STK3: variants seen among roughly 807,000 people sequenced by gnomAD.
The protein encoded by STK3 is serine/threonine kinase 3, also known as serine/threonine-protein kinase 3.
A neutral mutation model predicts 58.0 loss-of-function variants in STK3; 41 were observed. The ratio of observed to expected loss-of-function variants is 0.71; its 90% confidence interval spans 0.55 to 0.92. The LOEUF is 0.92. Among genes scored for constraint, STK3 ranks in the 40% least tolerant of loss-of-function variants. STK3 has a pLI of 0.00. For missense variants in STK3, 479 were observed against 602.7 expected (o/e 0.79, Z 2.15); for synonymous variants, 170 against 191.0 (o/e 0.89, Z 0.91).
chr8:98,617,503 A>C (rs1817853981), intron 6 of STK3, among the ~76,000 whole-genome samples: 1 of 148,610 alleles, frequency 6.7e-6, no homozygotes, highest in Non-Finnish European at 1.5e-5. Flanking sequence ...AAAACCCTTC[A>C]AAAAATCAAT....
At chr8:98,659,792 A>C (rs1821826514) in intron 6 of STK3, among the ~76,000 whole-genome samples, 1 of 152,044 alleles carries the variant, frequency 6.6e-6, no homozygotes, top group African/African-American at 2.4e-5. Flanking sequence ...ATAAGTTAGC[A>C]ATATAGCTGC....
At chr8:98,769,302 T>C (rs1319994821) in intron 2 of STK3, among the ~76,000 whole-genome samples, 2 of 152,198 alleles carry the variant, frequency 1.3e-5, no homozygotes. Flanking sequence ...CCTGTTGTGG[T>C]AGGGACTCAG....
At chr8:98,491,195 GAGAGAC>G (rs1246495893) in intron 10 of STK3, among the ~76,000 whole-genome samples, 9 of 148,666 alleles carry the variant, frequency 6.1e-5, no homozygotes, top group African/African-American at 1.5e-4. Context: ...GAGAGAGAGA[GAGAGAC>G]AGAGAGAGAG....
At chr8:98,448,268 C>G (rs1464442499) in intron 1 of STK3, among the ~76,000 whole-genome samples, 1 of 151,996 alleles carries the variant, frequency 6.6e-6, no homozygotes, top group Non-Finnish European at 1.5e-5. Flanking sequence ...AAAATAAACT[C>G]CTATATACTT....
intron 6 of STK3, among the ~76,000 whole-genome samples, chr8:98,676,094 A>G (rs1429761183): frequency 6.6e-6 from 1 of 152,214 alleles, no homozygotes; most frequent in East Asian, 1.9e-4. Context: ...TGCTATATGA[A>G]AGCAGCCAGA....
chr8:98,718,425 G>A (rs926350800), intron 4 of STK3, among the ~76,000 whole-genome samples: 1 of 152,058 alleles, frequency 6.6e-6, no homozygotes, highest in Non-Finnish European at 1.5e-5. Context: ...GAAAATTCCG[G>A]TACTTCCAGG....
At chr8:98,509,467 A>G (rs1824338670) in intron 10 of STK3, among the ~76,000 whole-genome samples, 1 of 151,938 alleles carries the variant, frequency 6.6e-6, no homozygotes, top group South Asian at 2.1e-4. Flanking sequence ...TGTGCAGATT[A>G]TTAAGAGACT....
chr8:98,718,763 T>G (rs1827202875), intron 4 of STK3, among the ~76,000 whole-genome samples: 1 of 152,058 alleles, frequency 6.6e-6, no homozygotes, highest in Admixed American at 6.6e-5. Flanking sequence ...GTATTAAATA[T>G]GGTATTTCAT....
chr8:98,488,003 T>C (rs1459954011), intron 10 of STK3, among the ~76,000 whole-genome samples: 1 of 152,238 alleles, frequency 6.6e-6, no homozygotes, highest in Non-Finnish European at 1.5e-5. Context: ...CAACTTTTGG[T>C]GTAACTGTCA....
At chr8:98,715,375 T>C (rs1428121023) in intron 4 of STK3, among the ~76,000 whole-genome samples, 5 of 151,632 alleles carry the variant, frequency 3.3e-5, no homozygotes, top group Admixed American at 2.0e-4. Context: ...ATTTTTGCAA[T>C]CTACTCATCT....
chr8:98,600,219 T>G (rs1200694953), intron 6 of STK3, among the ~76,000 whole-genome samples: 1 of 152,068 alleles, frequency 6.6e-6, no homozygotes. Flanking sequence ...AGGGAGAGGG[T>G]GCAGCTGGTA....
intron 8 of STK3, among the ~76,000 whole-genome samples, chr8:98,576,912 G>A (rs1261628138): frequency 1.3e-5 from 2 of 152,160 alleles, no homozygotes; most frequent in Non-Finnish European, 2.9e-5. Flanking sequence ...TCAGAACAAG[G>A]ATCTTATTGT....
At chr8:98,453,068 G>A (rs1371775488), downstream of STK3, among the ~76,000 whole-genome samples, 2 of 84,914 alleles carry the variant, frequency 2.4e-5, 1 homozygote, top group African/African-American at 9.7e-5. Flanking sequence ...GCCTAGACTT[G>A]ATTTCTTTCT....
chr8:98,526,947 A>T, intron 9 of STK3, 30 bp from the exon 10 acceptor site: 1 of 1,457,672 alleles, frequency 6.9e-7, no homozygotes, highest in Non-Finnish European at 9.1e-7. Context: ...TAAGGAAGGT[A>T]TAAGTTCTTA....
At chr8:98,770,981 G>T (rs1303348400) in intron 2 of STK3, among the ~76,000 whole-genome samples, 1 of 149,522 alleles carries the variant, frequency 6.7e-6, no homozygotes, top group Non-Finnish European at 1.5e-5. Context: ...ATAAAACAGT[G>T]TTTAATACAG....
chr8:98,681,961 C>G (rs1044796833), intron 6 of STK3, among the ~76,000 whole-genome samples: 2 of 152,236 alleles, frequency 1.3e-5, no homozygotes, highest in Non-Finnish European at 2.9e-5. Flanking sequence ...AACGGGCCTA[C>G]AGCAAAATAG....
At chr8:98,883,498 AT>A (rs1435348252), downstream of STK3, 2 of 580,322 alleles carry the variant, frequency 3.4e-6, no homozygotes, top group African/African-American at 3.7e-5. Flanking sequence ...ACTCTTCTGT[AT>A]TACTGAAGTC....
chr8:98,724,855 G>A (rs377356401), intron 4 of STK3, among the ~76,000 whole-genome samples: 7 of 152,208 alleles, frequency 4.6e-5, no homozygotes, highest in South Asian at 2.1e-4. Context: ...CCTAATTTAC[G>A]TAGGTCTTAA....
chr8:98,497,045 A>T (rs1823192340), intron 10 of STK3, among the ~76,000 whole-genome samples: 1 of 152,168 alleles, frequency 6.6e-6, no homozygotes, highest in South Asian at 2.1e-4. Context: ...TTCAACTTCA[A>T]AACTTACTAC....
Sources: gnomAD v4.1 joint callset for allele counts (sites outside exome capture counted in the v4.1 genomes callset) on GRCh38, gnomAD v4.1.1 for gene constraint, MANE v1.5 for transcripts, NCBI Gene and HGNC (gene_info 2026-07-23, HGNC 2026-07-21) for gene names.